The following TARS2 variants were observed in gnomAD, a reference collection of about 807,000 sequenced individuals.
The protein encoded by TARS2 is threonine--tRNA ligase, mitochondrial.
TARS2 carries 61 observed loss-of-function variants against 94.4 expected under a neutral mutation model. The ratio of observed to expected loss-of-function variants is 0.65; its 90% CI spans 0.53 to 0.80. The LOEUF is 0.80. TARS2 is among the 30% of genes least tolerant of loss of function. The probability of loss-of-function intolerance (pLI) is 0.00; values close to 1 mark genes in which losing one functional copy is unlikely to be tolerated. For missense variants in TARS2, 704 were observed against 902.5 expected (o/e 0.78, Z 2.82); for synonymous variants, 359 against 353.4 (o/e 1.02, Z -0.18).
chr1:150,504,597 A>ACCATT (rs1439127100), intron 14 of TARS2, 35 bp from the exon 15 acceptor site: 2 of 1,604,518 alleles, frequency 1.2e-6, no homozygotes, highest in Non-Finnish European at 1.7e-6. Context: ...TGATACTTCC[A>ACCATT]CCATTCCATC....
At chr1:150,503,647 GTGTGTA>G (rs1670055326) in intron 13 of TARS2, among the ~76,000 whole-genome samples, 1 of 149,770 alleles carries the variant, frequency 6.7e-6, no homozygotes, top group East Asian at 2.0e-4. Flanking sequence ...GTGTATATAT[GTGTGTA>G]TATATGTGTG....
At chr1:150,502,450 A>G (rs1570864298) in intron 13 of TARS2, among the ~76,000 whole-genome samples, 1 of 150,088 alleles carries the variant, frequency 6.7e-6, no homozygotes, top group South Asian at 2.1e-4. Context: ...GAGTGGCACA[A>G]TCTCGGCTCA....
chr1:150,497,015 G>T (rs1669694368), intron 9 of TARS2, 107 bp downstream of exon 9: 3 of 1,042,710 alleles, frequency 2.9e-6, no homozygotes, highest in Admixed American at 2.3e-5. Flanking sequence ...GGGCACAGTG[G>T]CTCACATCTA....
At chr1:150,501,510 T>TC (rs1207490518) in intron 13 of TARS2, among the ~76,000 whole-genome samples, 2 of 150,032 alleles carry the variant, frequency 1.3e-5, no homozygotes, top group East Asian at 3.9e-4. Context: ...TTCTTTTTTT[T>TC]TTTTTTTAGT....
rs200986971 is a variant in TARS2, at chr1:150,491,353, C to T, written c.513-41C>T. 3.7e-6 allele frequency: 6 copies of T among 1,601,056 alleles called. No individual in the cohort carries two copies. In the African/African-American group the frequency reaches 8.0e-5, roughly 21 times the overall value. Reference sequence around the variant, plus strand: ...AGGTGTGTCACCCAGGTGATTGATGCACCTCATAGGATGCAACCCAACCAA... The same window carrying T: ...AGGTGTGTCACCCAGGTGATTGATGTACCTCATAGGATGCAACCCAACCAA... On this transcript the variant is annotated intron_variant, in intron 4 of 17. Transcript: ENST00000369064.
intron 7 of TARS2, among the ~76,000 whole-genome samples, chr1:150,493,731 C>G (rs1310522651): frequency 6.9e-6 from 1 of 143,990 alleles, no homozygotes; most frequent in Non-Finnish European, 1.5e-5. Flanking sequence ...CTAGCCTGGG[C>G]AACAAGAGCA....
chr1:150,487,993 G>A lies in TARS2; in HGVS notation c.202G>A (p.Gly68Ser). The A allele has an allele frequency of 6.2e-7, 1 of 1,614,090 alleles. No individual in the cohort carries two copies. Among genetic ancestry groups the A allele is most frequent in the Non-Finnish European group, 8.5e-7 (1 of 1,180,026 alleles). ...GACTATTAAGATATCACTTCCTGGA[G>A]GCCAGAAAATTGATGCTGTGGCATG... is the stretch of plus-strand genomic sequence containing the variant. ...PRTIKISLPG[G>S]QKIDAVAWNT... The change falls in exon 2 of 18, where the codon GGC becomes AGC. Residue 68 changes from glycine (G) to serine (S), a missense_variant. Physicochemically the swap from Gly to Ser is moderately conservative, Grantham distance 56 (BLOSUM62 0). Transcript: ENST00000369064.
chr1:150,491,792 A>ATTT, intron 6 of TARS2, 130 bp downstream of exon 6: 2 of 813,778 alleles, frequency 2.5e-6, no homozygotes, highest in East Asian at 3.2e-5. Flanking sequence ...ATGGGAATTG[A>ATTT]TTTTTTTTTT....
Position 150,496,813 on chromosome 1 carries a change from C to A in TARS2, c.925C>A (p.Gln309Lys). Residue 309 changes from glutamine (Q) to lysine (K), a missense_variant, in exon 9 of 18, where the codon CAG becomes AAG. Gln to Lys is a moderately conservative substitution (Grantham distance 53, BLOSUM62 1). Transcript: ENST00000369064. ...LRDHRRIGKEQELFFFHELSP... is the reference protein window; with the variant it reads ...LRDHRRIGKEKELFFFHELSP... ...ATATTGCTATTCCTGACCCCAGGAA[C>A]AGGAGCTCTTCTTCTTCCATGAACT... is the stretch of plus-strand genomic sequence containing the variant. The A allele has an allele frequency of 6.2e-7, 1 of 1,613,926 alleles. No individual in the cohort carries two copies. Among genetic ancestry groups the A allele is most frequent in the Non-Finnish European group, 8.5e-7 (1 of 1,180,022 alleles).
chr1:150,505,855 G>A (rs2102513853), intron 17 of TARS2, 150 bp downstream of exon 17: 1 of 670,262 alleles, frequency 1.5e-6, no homozygotes, highest in East Asian at 2.8e-5. Context: ...GACTCATTTG[G>A]GCCCTGTGTT....
intron 13 of TARS2, among the ~76,000 whole-genome samples, chr1:150,502,799 G>GAA (rs1191624061): frequency 6.6e-6 from 1 of 151,986 alleles, no homozygotes; most frequent in Non-Finnish European, 1.5e-5. Context: ...CCAGCATATG[G>GAA]TATTTATTTA....
chr1:150,501,311 T>A (rs1285440918), intron 13 of TARS2, among the ~76,000 whole-genome samples: 2 of 96,662 alleles, frequency 2.1e-5, no homozygotes, highest in Non-Finnish European at 4.5e-5. Context: ...AATTTTTTTT[T>A]TTTTTTTTTT....
chr1:150,492,564 C>A (rs1669444860), intron 7 of TARS2, 75 bp downstream of exon 7: 11 of 1,501,104 alleles, frequency 7.3e-6, no homozygotes, highest in Non-Finnish European at 1.0e-5. Context: ...GTAATCCCAG[C>A]ACTTTGGGAG....
Position 150,488,016 on chromosome 1 carries a change from A to G in TARS2, c.225A>G (p.Ala75=), listed in dbSNP as rs587699515. 2.5e-6 allele frequency: 4 copies of G among 1,614,090 alleles called. No individual in the cohort carries two copies. Among genetic ancestry groups the G allele is most frequent in the Admixed American group, 1.7e-5 (1 of 60,010 alleles). ...GAGGCCAGAAAATTGATGCTGTGGC[A>G]TGGAACACAACCCCCTACCAACTAG... ...LPGGQKIDAV[A]WNTTPYQLAR... Residue 75 remains alanine (A), a synonymous_variant, in exon 2 of 18, where the codon GCA becomes GCG. Coordinates refer to ENST00000369064, the MANE Select transcript of TARS2 (RefSeq NM_025150.5).
Position 150,496,763 on chromosome 1 carries a change from A to G in TARS2, c.922-47A>G, listed in dbSNP as rs756904367. ...GTCAGTTGTTCTGAGTTCCAAAGCC[A>G]CCTCCTTGCCCTTGAGGTGACCCAA... is the stretch of plus-strand genomic sequence containing the variant. On this transcript the variant is annotated intron_variant, in intron 8 of 17. Coordinates refer to ENST00000369064, the MANE Select transcript of TARS2 (RefSeq NM_025150.5). 8.1e-6 allele frequency: 13 copies of G among 1,610,746 alleles called. No individual in the cohort carries two copies. The Admixed American group carries it at 1.0e-4, about 12-fold the overall frequency.
intron 7 of TARS2, among the ~76,000 whole-genome samples, chr1:150,495,211 G>A (rs1303690655): frequency 6.7e-6 from 1 of 149,208 alleles, no homozygotes; most frequent in African/African-American, 2.5e-5. Context: ...CGAGTGTGGT[G>A]GTGGTGGCCT....
chr1:150,499,550 G>A (rs1217784373), intron 13 of TARS2, among the ~76,000 whole-genome samples: 4 of 151,934 alleles, frequency 2.6e-5, no homozygotes, highest in African/African-American at 9.7e-5. Context: ...ATTTTTAATA[G>A]AGATGGGGTT....
At position 150,491,524 on chromosome 1, in the gene TARS2, G is replaced by A. The variant is rs763358837; in HGVS notation, c.630+13G>A. ...CCAGTTGTTCAAGGTGGGGTGGAGG[G>A]AAGAGGTGGCTCTTCCAGGACATCT... On this transcript the variant is annotated intron_variant, in intron 5 of 17. Transcript: ENST00000369064. The A allele has an allele frequency of 3.1e-6, 5 of 1,614,166 alleles. No individual in the cohort carries two copies. Among genetic ancestry groups the A allele is most frequent in the East Asian group, 2.2e-5 (1 of 44,884 alleles).
At chr1:150,498,386 C>T in intron 10 of TARS2, 116 bp from the exon 11 acceptor site, 1 of 1,290,796 alleles carries the variant, frequency 7.7e-7, no homozygotes, top group Non-Finnish European at 1.0e-6. Context: ...TGTGCTGAGG[C>T]TGGAGAGGGT....
Sources: allele counts gnomAD v4.1 joint callset (sites outside exome capture counted in the v4.1 genomes callset), GRCh38; gene constraint gnomAD v4.1.1; transcripts MANE v1.5; gene names NCBI Gene and HGNC (gene_info 2026-07-23, HGNC 2026-07-21).